Variants in AKAP19 observed in about 807,000 individuals in gnomAD.
AKAP19 encodes the protein A-kinase anchoring protein 19, also known as small A-kinase anchoring protein.
At chr2:189,930,362 G>A in the AKAP19 span, 2 of 476,350 alleles carry the variant, frequency 4.2e-6, no homozygotes, top group East Asian at 1.3e-4. Context: ...CAGTCCAGGT[G>A]GTAGATGTAC....
the AKAP19 span, among the ~76,000 whole-genome samples, chr2:189,996,757 T>C: frequency 6.6e-6 from 1 of 152,262 alleles, no homozygotes; most frequent in Non-Finnish European, 1.5e-5. Flanking sequence ...CAAGGGCTGC[T>C]GTTCAGATTC....
chr2:189,974,483 A>T, the AKAP19 span, among the ~76,000 whole-genome samples: 2 of 151,754 alleles, frequency 1.3e-5, no homozygotes, highest in African/African-American at 2.4e-5. Context: ...GTTCTGTAGC[A>T]GTCTATGAGG....
the AKAP19 span, among the ~76,000 whole-genome samples, chr2:189,933,114 T>C: frequency 1.3e-5 from 2 of 152,228 alleles, no homozygotes; most frequent in Non-Finnish European, 2.9e-5. Context: ...AAAAAACTTA[T>C]ATAATCAGCA....
chr2:189,898,400 T>C, the AKAP19 span, among the ~76,000 whole-genome samples: 3 of 152,246 alleles, frequency 2.0e-5, no homozygotes, highest in South Asian at 6.2e-4. Flanking sequence ...AAATAAAGGC[T>C]TCTATTTTTT....
At chr2:190,062,301 T>C in the AKAP19 span, 2 of 1,613,310 alleles carry the variant, frequency 1.2e-6, no homozygotes, top group South Asian at 1.1e-5. Flanking sequence ...GCTGCTGTCA[T>C]CCCTCTGGAC....
At chr2:190,023,415 A>G in the AKAP19 span, among the ~76,000 whole-genome samples, 1 of 152,122 alleles carries the variant, frequency 6.6e-6, no homozygotes, top group African/African-American at 2.4e-5. Flanking sequence ...ACACTAAAAT[A>G]AATAAAAGCA....
the AKAP19 span, among the ~76,000 whole-genome samples, chr2:190,021,361 T>G: frequency 6.6e-5 from 10 of 152,232 alleles, no homozygotes; most frequent in Non-Finnish European, 1.2e-4. Context: ...TTTATTATAG[T>G]TTCTTGGGAT....
the AKAP19 span, among the ~76,000 whole-genome samples, chr2:189,906,744 G>A: frequency 6.6e-6 from 1 of 151,824 alleles, no homozygotes; most frequent in Non-Finnish European, 1.5e-5. Context: ...GTTATAATAT[G>A]TCTAACTTTT....
chr2:190,192,642 C>A, the AKAP19 span, among the ~76,000 whole-genome samples: 1 of 152,044 alleles, frequency 6.6e-6, no homozygotes, highest in Non-Finnish European at 1.5e-5. Context: ...TCTTTCAGAT[C>A]ATGAACAGCA....
At chr2:190,020,660 T>G in the AKAP19 span, among the ~76,000 whole-genome samples, 3 of 152,182 alleles carry the variant, frequency 2.0e-5, no homozygotes, top group African/African-American at 7.2e-5. Context: ...AGTACATTTA[T>G]ATTGTTGTGG....
chr2:190,079,190 A>C, the AKAP19 span: 1 of 152,178 alleles, frequency 6.6e-6, no homozygotes, highest in African/African-American at 2.4e-5. Context: ...ATTTATCAAC[A>C]CTACCCTCCC....
At chr2:189,913,744 A>G in the AKAP19 span, among the ~76,000 whole-genome samples, 1 of 152,134 alleles carries the variant, frequency 6.6e-6, no homozygotes, top group Non-Finnish European at 1.5e-5. Context: ...TAAATTTGAT[A>G]TAGAACAGTT....
At chr2:190,168,326 C>G in the AKAP19 span, among the ~76,000 whole-genome samples, 2 of 152,288 alleles carry the variant, frequency 1.3e-5, no homozygotes, top group South Asian at 4.1e-4. Context: ...CCCCACAAAA[C>G]TATGTTTTCC....
At chr2:190,090,971 G>T in the AKAP19 span, 1 of 152,132 alleles carries the variant, frequency 6.6e-6, no homozygotes, top group Non-Finnish European at 1.5e-5. Flanking sequence ...CACATAATAG[G>T]TAATAACATA....
the AKAP19 span, among the ~76,000 whole-genome samples, chr2:189,883,356 T>C: frequency 2.6e-5 from 4 of 152,146 alleles, no homozygotes; most frequent in Admixed American, 6.5e-5. Context: ...TCTACTAAAA[T>C]CTGCCAGACA....
At chr2:190,092,103 CTT>C in the AKAP19 span, among the ~76,000 whole-genome samples, 17 of 152,204 alleles carry the variant, frequency 1.1e-4, no homozygotes, top group African/African-American at 4.1e-4. Flanking sequence ...CAGTAGGACA[CTT>C]AGATTCTTTC....
At chr2:190,025,094 G>A in the AKAP19 span, among the ~76,000 whole-genome samples, 1 of 152,132 alleles carries the variant, frequency 6.6e-6, no homozygotes, top group South Asian at 2.1e-4. Flanking sequence ...AGATTTACCA[G>A]TTTTATCTCC....
chr2:189,902,745 G>A, the AKAP19 span, among the ~76,000 whole-genome samples: 4 of 151,552 alleles, frequency 2.6e-5, no homozygotes, highest in African/African-American at 9.7e-5. Context: ...TGTATACTTC[G>A]CTTTTCAAAT....
the AKAP19 span, among the ~76,000 whole-genome samples, chr2:190,142,609 T>C: frequency 5.3e-5 from 8 of 152,110 alleles, no homozygotes; most frequent in African/African-American, 1.9e-4. Flanking sequence ...GCCAGTAAAC[T>C]TCTAGGCCTC....
Sources: allele counts gnomAD v4.1 joint callset (sites outside exome capture counted in the v4.1 genomes callset), GRCh38; gene constraint gnomAD v4.1.1; transcripts MANE v1.5; gene names NCBI Gene and HGNC (gene_info 2026-07-23, HGNC 2026-07-21).